The following DAB1 variants were observed in gnomAD, a reference collection of about 807,000 sequenced individuals.
DAB1 encodes DAB adaptor protein 1.
DAB1 carries 15 observed loss-of-function variants against 64.6 expected under a neutral mutation model. The ratio of observed to expected loss-of-function variants is 0.23; its 90% CI spans 0.16 to 0.36. The LOEUF (loss-of-function observed/expected upper bound fraction) is 0.36, where lower values mean the gene tolerates loss of function less well. Among genes scored for constraint, DAB1 ranks in the 10% least tolerant of loss-of-function variants. The pLI is 1.00. For missense variants in DAB1, 596 were observed against 706.7 expected, an observed-to-expected ratio of 0.84 and a Z score of 1.78; for synonymous variants, 235 against 251.9, an observed-to-expected ratio of 0.93 and a Z score of 0.64.
At chr1:57,805,510 T>C (rs1016500304) in intron 6 of DAB1, among the ~76,000 whole-genome samples, 3 of 152,184 alleles carry the variant, frequency 2.0e-5, no homozygotes, top group Non-Finnish European at 4.4e-5. Context: ...AAACTTTTAT[T>C]TTGCATAGAA....
chr1:57,642,883 T>C (rs935807880), intron 7 of DAB1, among the ~76,000 whole-genome samples: 2 of 152,244 alleles, frequency 1.3e-5, no homozygotes, highest in African/African-American at 4.8e-5. Context: ...CCATGAGTTC[T>C]TTGGCAATTC....
intron 1 of DAB1, among the ~76,000 whole-genome samples, chr1:57,294,465 C>CT (rs72441918): frequency 0.39 from 58,927 of 149,360 alleles, 11,727 homozygotes; most frequent in Admixed American, 0.55. Context: ...ACAGATATGC[C>CT]TTTTTTTTTT....
chr1:57,542,864 T>C (rs912747009), intron 7 of DAB1, among the ~76,000 whole-genome samples: 6 of 152,154 alleles, frequency 3.9e-5, no homozygotes, highest in African/African-American at 1.4e-4. Flanking sequence ...CTTCTGAGAT[T>C]AGGTTATAAA....
chr1:58,079,048 AT>A (rs1410330403), intron 5 of DAB1, among the ~76,000 whole-genome samples: 1 of 152,134 alleles, frequency 6.6e-6, no homozygotes, highest in African/African-American at 2.4e-5. Context: ...GATTTTCTTT[AT>A]TTTCATCATC....
Position 57,290,958 on chromosome 1 carries a change from C to G in DAB1, c.67+6G>C, listed in dbSNP as rs771433365. ...GCCATTAAAAAAAGGTCAAATTCAGCCCTACCTTTCTTTCTGGAGTCTTTC... is the reference window on the plus strand; with the variant it reads ...GCCATTAAAAAAAGGTCAAATTCAGGCCTACCTTTCTTTCTGGAGTCTTTC... On this transcript the variant is annotated splice_donor_region_variant and intron_variant, in intron 2 of 14. Coordinates refer to ENST00000371236, the MANE Select transcript of DAB1 (RefSeq NM_001365792.1). 11 of 1,608,086 alleles carry G rather than the reference C, an allele frequency of 6.8e-6. No homozygotes were observed. The highest frequency in any genetic ancestry group is 6.7e-5 in the African/African-American group (5 of 74,698).
At position 57,951,317 on chromosome 1, in the gene DAB1, C is replaced by CATATATATAT. The variant is rs150140800; in HGVS notation, n.388-67165_388-67156dup. Among the ~76,000 whole-genome samples, 186 of 69,866 alleles carry CATATATATAT rather than the reference C, an allele frequency of 2.7e-3. 30 individuals are homozygous for CATATATATAT. In the South Asian group the frequency reaches 0.06, roughly 23 times the overall value. The allele number at this position is 69,866 out of a possible 152,430, so 45.8% of individuals were successfully genotyped here. On this transcript the variant is annotated intron_variant and non_coding_transcript_variant, in intron 5 of 20. Transcript: ENST00000485760. Reference sequence around the variant, plus strand: ...CAGATCCGGGAAGAGGAGCCTGATTCATATATATATATATACTTCCCTGGA... The same window carrying CATATATATAT: ...CAGATCCGGGAAGAGGAGCCTGATTCATATATATATATATATATATATATACTTCCCTGGA...
At chr1:58,544,089 T>C (rs1478606918) in intron 1 of DAB1, among the ~76,000 whole-genome samples, 2 of 152,228 alleles carry the variant, frequency 1.3e-5, no homozygotes, top group Admixed American at 6.5e-5. Context: ...CAAACAGTTA[T>C]GATGGAATTT....
chr1:57,279,144 T>C (rs77712037), intron 2 of DAB1, among the ~76,000 whole-genome samples: 2,225 of 152,286 alleles, frequency 0.015, 46 homozygotes, highest in African/African-American at 0.051. Flanking sequence ...ATAGAAATGA[T>C]GTTTTCCTTT....
chr1:58,245,572 G>C (rs1237792214), intron 4 of DAB1, among the ~76,000 whole-genome samples: 1 of 152,062 alleles, frequency 6.6e-6, no homozygotes, highest in African/African-American at 2.4e-5. Flanking sequence ...ATAGGGTAGA[G>C]TGGAAAAAAG....
At chr1:57,707,457 G>A (rs3126029) in intron 6 of DAB1, among the ~76,000 whole-genome samples, 7,339 of 151,692 alleles carry the variant, frequency 0.048, 597 homozygotes, top group African/African-American at 0.17. Flanking sequence ...TTAGTTTTGG[G>A]CTATTAAAGT....
intron 4 of DAB1, among the ~76,000 whole-genome samples, chr1:58,305,846 C>T (rs1662295196): frequency 6.6e-6 from 1 of 152,180 alleles, no homozygotes; most frequent in Non-Finnish European, 1.5e-5. Flanking sequence ...ACATGGAAAG[C>T]TCATTATAAG....
chr1:57,258,456 C>T (rs1669932119), intron 2 of DAB1, among the ~76,000 whole-genome samples: 1 of 152,142 alleles, frequency 6.6e-6, no homozygotes, highest in Admixed American at 6.5e-5. Flanking sequence ...CTCTCCCCTG[C>T]ATTCCCATCA....
chr1:57,327,902 C>G (rs141835642), intron 1 of DAB1, among the ~76,000 whole-genome samples: 12 of 152,132 alleles, frequency 7.9e-5, no homozygotes, highest in Non-Finnish European at 1.5e-4. Flanking sequence ...ACCTGAAATT[C>G]AGGTCTCAGA....
At chr1:57,039,411 G>A (rs895856986) in intron 9 of DAB1, among the ~76,000 whole-genome samples, 5 of 152,186 alleles carry the variant, frequency 3.3e-5, no homozygotes, top group Admixed American at 3.3e-4. Context: ...GTAGGTGAGG[G>A]TAGACAGGTG....
At chr1:57,475,047 G>T (rs1163814114) in intron 7 of DAB1, among the ~76,000 whole-genome samples, 1 of 152,154 alleles carries the variant, frequency 6.6e-6, no homozygotes, top group Admixed American at 6.5e-5. Flanking sequence ...ATCACCTGAG[G>T]TCAGGAGCTC....
At chr1:58,501,424 G>A (rs1431263498) in intron 3 of DAB1, among the ~76,000 whole-genome samples, 1 of 152,146 alleles carries the variant, frequency 6.6e-6, no homozygotes, top group African/African-American at 2.4e-5. Flanking sequence ...CACTCCTCCA[G>A]TCCTCTGCTC....
chr1:57,533,172 C>T (rs1317865016), intron 7 of DAB1, among the ~76,000 whole-genome samples: 1 of 151,836 alleles, frequency 6.6e-6, no homozygotes, highest in East Asian at 1.9e-4. Flanking sequence ...TACCACCTGC[C>T]TCCCAAACAT....
At chr1:58,318,059 G>A (rs1322387517) in intron 4 of DAB1, among the ~76,000 whole-genome samples, 2 of 152,138 alleles carry the variant, frequency 1.3e-5, no homozygotes, top group Non-Finnish European at 2.9e-5. Context: ...TCCTAGCTGA[G>A]CACATAGGAA....
At chr1:57,564,476 A>G (rs553973670) in intron 7 of DAB1, among the ~76,000 whole-genome samples, 9 of 152,312 alleles carry the variant, frequency 5.9e-5, no homozygotes, top group Admixed American at 2.6e-4. Flanking sequence ...CAGATGATCA[A>G]ACTTCTCCGA....
Sources: allele counts gnomAD v4.1 joint callset (sites outside exome capture counted in the v4.1 genomes callset), GRCh38; gene constraint gnomAD v4.1.1; transcripts MANE v1.5; gene names NCBI Gene and HGNC (gene_info 2026-07-23, HGNC 2026-07-21).